The following LARP4B variants were observed in gnomAD, a reference collection of about 807,000 sequenced individuals.
LARP4B encodes la-related protein 4B.
A neutral mutation model predicts 89.8 loss-of-function variants in LARP4B; 12 were observed. The observed-to-expected ratio is 0.13, with a 90% confidence interval of 0.09 to 0.22. LARP4B has a LOEUF of 0.22. LARP4B is among the 10% of genes least tolerant of loss of function. The pLI, the probability that LARP4B is intolerant of heterozygous loss-of-function variation, is 1.00. For missense variants in LARP4B, 757 were observed against 947.7 expected (o/e 0.80, Z 2.64); for synonymous variants, 367 against 363.3 (o/e 1.01, Z -0.12).
rs1831829840 is a variant in LARP4B at position 813,013 on chromosome 10, C to T, written c.2130G>A (p.Arg710=). ...GCGAGGGCCGGCCCCCCGCCGGCCG[C>T]CTCTGGTCTCTGGGGGCTCCAGGTG... ...KSTPGAPRDQ[R]RPAGGRPSPS... is the part of the protein sequence containing the mutation. The change falls in exon 18 of 18, where the codon AGG becomes AGA. Residue 710 remains arginine (R), a synonymous_variant. Coordinates refer to ENST00000316157, the MANE Select transcript of LARP4B (RefSeq NM_015155.3). 2 of 1,604,586 alleles carry T rather than the reference C, an allele frequency of 1.2e-6. No individual in the cohort carries two copies. Among genetic ancestry groups the T allele is most frequent in the African/African-American group, 1.3e-5 (1 of 74,080 alleles).
chr10:930,043 C>T (rs1837256481), intron 1 of LARP4B, among the ~76,000 whole-genome samples: 1 of 151,144 alleles, frequency 6.6e-6, no homozygotes, highest in East Asian at 1.9e-4. Flanking sequence ...TGTAAATTAC[C>T]CTGACTGTAA....
chr10:966,168 A>G, the LARP4B span, among the ~76,000 whole-genome samples: 6 of 152,006 alleles, frequency 3.9e-5, no homozygotes, highest in African/African-American at 9.7e-5. Flanking sequence ...GAAAAAGAAG[A>G]AGGAGGCTGG....
chr10:972,560 CA>C, the LARP4B span: 1 of 457,214 alleles, frequency 2.2e-6, no homozygotes, highest in South Asian at 1.5e-5. Flanking sequence ...CAGAGGAAGA[CA>C]GATCACACAG....
chr10:870,022 G>A lies in LARP4B; in HGVS notation c.142-5752C>T, dbSNP rs549324577. On this transcript the variant is annotated intron_variant, in intron 3 of 17. Transcript: ENST00000316157. Reference sequence around the variant, plus strand: ...CAGAAAACATACTTACGAACTGTCCGTCTCTATCATGCCATCCCCAAACAA... The same window carrying A: ...CAGAAAACATACTTACGAACTGTCCATCTCTATCATGCCATCCCCAAACAA... 121 of 983,688 alleles carry A rather than the reference G, an allele frequency of 1.2e-4. No homozygotes were observed. In the African/African-American group the frequency reaches 1.6e-3, roughly 13 times the overall value. The allele number at this position is 983,688 out of a possible 1,614,324, so 60.9% of individuals were successfully genotyped here.
chr10:864,258 T>C lies in LARP4B; in HGVS notation c.154A>G (p.Lys52Glu), dbSNP rs752208457. 1 of 1,614,108 alleles carries C rather than the reference T, an allele frequency of 6.2e-7. No homozygotes were observed. Among genetic ancestry groups the C allele is most frequent in the Non-Finnish European group, 8.5e-7 (1 of 1,179,978 alleles). ...IPPLSQVPAT[K>E]VSELNPNAEV... Reference sequence around the variant, plus strand: ...GCATTAGGGTTCAGCTCTGAAACCTTAGTTGCTGGTACCTAGGAAGAAATG... The same window carrying C: ...GCATTAGGGTTCAGCTCTGAAACCTCAGTTGCTGGTACCTAGGAAGAAATG... The change falls in exon 4 of 18, where the codon AAG (lysine) becomes GAG (glutamate). Residue 52 changes from lysine (K) to glutamate (E), a missense_variant. By Grantham distance (56) the Lys-to-Glu change is moderately conservative (BLOSUM62 1). This residue lies in a region of LARP4B where 175 missense variants were observed against 187.0 expected (regional missense o/e 0.94). Coordinates refer to ENST00000316157, the MANE Select transcript of LARP4B (RefSeq NM_015155.3).
rs866746302 is a variant in LARP4B at position 892,927 on chromosome 10, T to A, written c.-39-7167A>T. The stretch of plus-strand genomic sequence containing the variant: ...ATTTTTTTTTTTTTTTTTTTTTTTT[T>A]AAATACAGAGTCTTGCTCTGTCACC... On this transcript the variant is annotated intron_variant, in intron 1 of 17. Transcript: ENST00000316157. Among the ~76,000 whole-genome samples the A allele has an allele frequency of 1.1e-3, 104 of 95,628 alleles. 1 individual carries two copies. In the Middle Eastern group the frequency reaches 0.019, roughly 17 times the overall value. The allele number at this position is 95,628 out of a possible 152,430, so 62.7% of individuals were successfully genotyped here.
intron 1 of LARP4B, among the ~76,000 whole-genome samples, chr10:917,481 A>G (rs1342012174): frequency 6.6e-6 from 1 of 152,240 alleles, no homozygotes; most frequent in African/African-American, 2.4e-5. Context: ...GGAATGGCGT[A>G]TTTTAAGATA....
chr10:936,546 A>G (rs1026513456), upstream of LARP4B, among the ~76,000 whole-genome samples: 7 of 151,926 alleles, frequency 4.6e-5, no homozygotes, highest in African/African-American at 1.7e-4. Context: ...ATGGTGAAAC[A>G]CCTGTCTCTA....
At chr10:954,317 G>A in the LARP4B span, among the ~76,000 whole-genome samples, 56 of 152,096 alleles carry the variant, frequency 3.7e-4, no homozygotes, top group African/African-American at 1.2e-3. This position sits in a 1 kb window ranked among gnomAD's most constrained non-coding sequence, Gnocchi z 5.0. Flanking sequence ...CCACCAGCCC[G>A]GCTGGGGAAG....
chr10:988,316 C>A, the LARP4B span: 4 of 634,116 alleles, frequency 6.3e-6, no homozygotes, highest in Non-Finnish European at 1.1e-5. Flanking sequence ...CCAAGCCGGG[C>A]GGGTGCGCTG....
chr10:883,443 G>A (rs1028324091), intron 3 of LARP4B, among the ~76,000 whole-genome samples: 5 of 152,114 alleles, frequency 3.3e-5, no homozygotes, highest in South Asian at 2.1e-4. Flanking sequence ...CCCAGGAGGC[G>A]GAGGTTGCGG....
At chr10:821,958 G>C (rs758703884) in intron 13 of LARP4B, among the ~76,000 whole-genome samples, 7 of 148,488 alleles carry the variant, frequency 4.7e-5, no homozygotes, top group Non-Finnish European at 7.5e-5. Flanking sequence ...CCTCCTGTAG[G>C]AACAGGGGGC....
At position 814,405 on chromosome 10, in the gene LARP4B, G is replaced by A. The variant is rs542786859; in HGVS notation, c.1929+337C>T. On this transcript the variant is annotated intron_variant, in intron 17 of 17. Coordinates refer to ENST00000316157, the MANE Select transcript of LARP4B (RefSeq NM_015155.3). The surrounding 1 kb of genome is among the most constrained non-coding windows in gnomAD (Gnocchi z 4.4). ...CATCAGACACACGATGCGCGCGCAC[G>A]CACGCAAACATACACACACGCGCGA... 64 of 377,212 alleles carry A rather than the reference G, an allele frequency of 1.7e-4. No homozygotes were observed. The highest frequency in any genetic ancestry group is 7.4e-4 in the South Asian group (34 of 45,804). The allele number at this position is 377,212 out of a possible 1,614,324, so 23.4% of individuals were successfully genotyped here. A position where few individuals can be genotyped will look rare whatever the true frequency, so the allele number is the denominator to read the frequency against.
rs188525854 is a variant in LARP4B at position 886,572 on chromosome 10, A to G, written c.-39-812T>C. On this transcript the variant is annotated intron_variant, in intron 1 of 17. Transcript: ENST00000316157. ...TAGTTGTCCATCAATGGACAAACGG[A>G]TATAGAAATTGGGATGTGTGTATCT... Among the ~76,000 whole-genome samples the G allele has an allele frequency of 5.0e-4, 76 of 152,344 alleles. No homozygotes were observed. The East Asian group carries it at 0.011, about 22-fold the overall frequency.
intron 3 of LARP4B, among the ~76,000 whole-genome samples, chr10:881,520 C>T (rs920006712): frequency 6.6e-6 from 1 of 152,190 alleles, no homozygotes; most frequent in Admixed American, 6.5e-5. Flanking sequence ...TCCCTCTGAC[C>T]ACTCCGCGTC....
At chr10:952,493 C>G in the LARP4B span, among the ~76,000 whole-genome samples, 3 of 132,908 alleles carry the variant, frequency 2.3e-5, no homozygotes, top group Non-Finnish European at 4.8e-5. Context: ...AGCCCACAAC[C>G]AACTGCATAA....
chr10:834,975 G>A (rs1249165184), intron 8 of LARP4B, among the ~76,000 whole-genome samples: 1 of 151,488 alleles, frequency 6.6e-6, no homozygotes, highest in Non-Finnish European at 1.5e-5. Context: ...GGGAGGTGGA[G>A]GTTGCAGTGA....
chr10:818,156 C>T (rs1056681313), intron 14 of LARP4B: 8 of 336,574 alleles, frequency 2.4e-5, no homozygotes, highest in Non-Finnish European at 3.3e-5. Flanking sequence ...GAGCTATCCA[C>T]CCATGGCTGC....
the LARP4B span, among the ~76,000 whole-genome samples, chr10:941,568 C>T: frequency 6.6e-6 from 1 of 152,088 alleles, no homozygotes; most frequent in Non-Finnish European, 1.5e-5. Flanking sequence ...GTGATCCGCC[C>T]GCCTTGGCCT....
Sources: gnomAD v4.1 joint callset for allele counts (sites outside exome capture counted in the v4.1 genomes callset) on GRCh38, gnomAD v4.1.1 for gene constraint, gnomAD v4.1.1 regional missense constraint, Gnocchi (gnomAD v3.1) non-coding constraint, MANE v1.5 for transcripts, NCBI Gene and HGNC (gene_info 2026-07-23, HGNC 2026-07-21) for gene names.